The following PRKN variants were observed in gnomAD, a reference collection of about 807,000 sequenced individuals.
PRKN encodes the protein E3 ubiquitin-protein ligase parkin.
Under a neutral mutation model 59.5 loss-of-function variants are expected in PRKN, and 56 were observed. That is an observed-to-expected ratio of 0.94 (90% CI 0.76 to 1.18). PRKN has a LOEUF of 1.18. Among genes scored for constraint, PRKN ranks in the 50% most tolerant of loss-of-function variants. PRKN has a pLI of 0.00. For missense variants in PRKN, 657 were observed against 596.4 expected, an observed-to-expected ratio of 1.10 and a Z score of -1.06; for synonymous variants, 250 against 222.1, an observed-to-expected ratio of 1.13 and a Z score of -1.12.
chr6:162,449,833 TA>T (rs1244180580), intron 1 of PRKN, among the ~76,000 whole-genome samples: 3 of 152,106 alleles, frequency 2.0e-5, no homozygotes, highest in Non-Finnish European at 2.9e-5. Context: ...GGGACTTCAC[TA>T]AAGAAAGCAG....
chr6:162,459,776 C>T (rs1791069424), intron 1 of PRKN, among the ~76,000 whole-genome samples: 1 of 152,130 alleles, frequency 6.6e-6, no homozygotes, highest in Non-Finnish European at 1.5e-5. Context: ...TAAAAAGTAG[C>T]CGCATTTTCA....
At position 161,423,964 on chromosome 6, in the gene PRKN, T is replaced by A. The variant is rs1427793357; in HGVS notation, c.1084-37087A>T. ...AAAAGCACTGGCCAATGAAGGTCAATGTCAAAGCACAAGGCTGGTATTGAG... is the reference window on the plus strand; with the variant it reads ...AAAAGCACTGGCCAATGAAGGTCAAAGTCAAAGCACAAGGCTGGTATTGAG... On this transcript the variant is annotated intron_variant, in intron 9 of 11. Coordinates refer to ENST00000366898, the MANE Select transcript of PRKN (RefSeq NM_004562.3). This position sits in a 1 kb window ranked among gnomAD's most constrained non-coding sequence, Gnocchi z 5.9. Among the ~76,000 whole-genome samples the A allele has an allele frequency of 1.3e-5, 2 of 152,196 alleles. No homozygotes were observed. Among genetic ancestry groups the A allele is most frequent in the African/African-American group, 2.4e-5 (1 of 41,446 alleles).
chr6:162,338,105 G>C lies in PRKN; in HGVS notation c.172-75340C>G, dbSNP rs144476001. 4.7e-3 allele frequency among the ~76,000 whole-genome samples: 717 copies of C among 152,256 alleles called. 3 individuals carry two copies. The highest frequency in any genetic ancestry group is 0.016 in the African/African-American group (654 of 41,560). ...TCTGTACTAGGACAGTGGCCCGGGA[G>C]ACAGAAGGAGAAGAAGCATTTGCTC... On this transcript the variant is annotated intron_variant, in intron 2 of 11. Coordinates refer to ENST00000366898, the MANE Select transcript of PRKN (RefSeq NM_004562.3).
chr6:162,594,148 A>G (rs1033502258), intron 1 of PRKN, among the ~76,000 whole-genome samples: 4 of 151,554 alleles, frequency 2.6e-5, no homozygotes, highest in Non-Finnish European at 5.9e-5. Flanking sequence ...AGACTCTCTC[A>G]AAAACAAACA....
chr6:161,602,104 T>TTATCTATCGATC lies in PRKN; in HGVS notation c.872-32689_872-32688insGATCGATAGATA, dbSNP rs145471027. ...TTTATCTAAGTATATTTAGGGGAGA[T>TTATCTATCGATC]TATCTATCTATCTATCTATCTATCT... On this transcript the variant is annotated intron_variant, in intron 7 of 11. Transcript: ENST00000366898. Among the ~76,000 whole-genome samples, 653 of 150,536 alleles carry TTATCTATCGATC rather than the reference T, an allele frequency of 4.3e-3. 1 individual carries two copies. The highest frequency in any genetic ancestry group is 0.015 in the African/African-American group (620 of 40,738).
At chr6:162,571,575 T>A (rs187250921) in intron 1 of PRKN, among the ~76,000 whole-genome samples, 1 of 152,192 alleles carries the variant, frequency 6.6e-6, no homozygotes, top group Non-Finnish European at 1.5e-5. Flanking sequence ...AACTCTAGTA[T>A]GGAGGACTGG....
At chr6:161,885,186 A>G (rs1370035670) in intron 6 of PRKN, among the ~76,000 whole-genome samples, 1 of 151,882 alleles carries the variant, frequency 6.6e-6, no homozygotes, top group Non-Finnish European at 1.5e-5. Flanking sequence ...CCCCGGACCT[A>G]CTGAATCTGA....
At chr6:161,382,111 C>CAAAAAAAAAAAAAAAAAAAAAAACA (rs59174358) in intron 10 of PRKN, among the ~76,000 whole-genome samples, 1 of 46,280 alleles carries the variant, frequency 2.2e-5, no homozygotes, top group Non-Finnish European at 4.5e-5. Context: ...GACTCCATCT[C>CAAAAAAAAAAAAAAAAAAAAAAACA]AAAAAAAAAA....
intron 4 of PRKN, among the ~76,000 whole-genome samples, chr6:162,054,528 T>A (rs1369715048): frequency 6.6e-6 from 1 of 152,148 alleles, no homozygotes; most frequent in Non-Finnish European, 1.5e-5. Flanking sequence ...TGCTTCATAA[T>A]AATTATTACT....
chr6:161,586,529 A>G (rs1257252705), intron 7 of PRKN, among the ~76,000 whole-genome samples: 1 of 152,184 alleles, frequency 6.6e-6, no homozygotes, highest in Non-Finnish European at 1.5e-5. Context: ...TGTGAAACGA[A>G]TCAATCAATC....
chr6:162,014,206 G>C (rs779485753), intron 5 of PRKN, among the ~76,000 whole-genome samples: 5 of 152,132 alleles, frequency 3.3e-5, no homozygotes, highest in African/African-American at 1.2e-4. Context: ...GTGGGGCCTG[G>C]TTAAAAACCC....
At chr6:161,941,319 C>T (rs1314780569) in intron 6 of PRKN, among the ~76,000 whole-genome samples, 2 of 152,130 alleles carry the variant, frequency 1.3e-5, no homozygotes, top group African/African-American at 4.8e-5. Flanking sequence ...TGGATGTCTA[C>T]AGGAACACAC....
chr6:161,437,621 G>T (rs1469004122), intron 9 of PRKN, among the ~76,000 whole-genome samples: 1 of 152,126 alleles, frequency 6.6e-6, no homozygotes, highest in Non-Finnish European at 1.5e-5. Flanking sequence ...TTTTTACACA[G>T]GTATGGCCAA....
rs2115459508 is a variant in PRKN, at chr6:161,561,198, T to C, written c.933+8157A>G. On this transcript the variant is annotated intron_variant, in intron 8 of 11. Coordinates refer to ENST00000366898, the MANE Select transcript of PRKN (RefSeq NM_004562.3). The surrounding 1 kb of genome is among the most constrained non-coding windows in gnomAD (Gnocchi z 5.0). ...AGCATAGGAGATAGAAGTTTTCACA[T>C]AGCAAGGGTAAGAAATATTTTTATA... Among the ~76,000 whole-genome samples the C allele has an allele frequency of 6.6e-6, 1 of 152,326 alleles. No homozygotes were observed. The highest frequency in any genetic ancestry group is 2.1e-4 in the South Asian group (1 of 4,830).
chr6:161,542,799 C>T (rs1583209609), intron 9 of PRKN, among the ~76,000 whole-genome samples: 1 of 152,114 alleles, frequency 6.6e-6, no homozygotes, highest in Non-Finnish European at 1.5e-5. Context: ...AGTGAAGGCT[C>T]ATGAACCCAC....
intron 1 of PRKN, among the ~76,000 whole-genome samples, chr6:162,460,438 A>G (rs1380744810): frequency 1.3e-5 from 2 of 152,176 alleles, no homozygotes; most frequent in Admixed American, 1.3e-4. Flanking sequence ...ATCAAAATTG[A>G]CTGTGGTGAT....
At chr6:162,082,545 C>T (rs1779098515) in intron 4 of PRKN, among the ~76,000 whole-genome samples, 1 of 152,094 alleles carries the variant, frequency 6.6e-6, no homozygotes, top group Non-Finnish European at 1.5e-5. Context: ...TGGAGTAGCA[C>T]TTTTAATTTC....
chr6:162,364,342 T>G (rs970201210), intron 2 of PRKN, among the ~76,000 whole-genome samples: 2 of 152,196 alleles, frequency 1.3e-5, no homozygotes, highest in Non-Finnish European at 2.9e-5. Flanking sequence ...AATTTGAGCT[T>G]TTTTGAGTTG....
chr6:161,432,876 A>T (rs964147671), intron 9 of PRKN, among the ~76,000 whole-genome samples: 2 of 152,128 alleles, frequency 1.3e-5, no homozygotes, highest in African/African-American at 4.8e-5. Context: ...ACTCTTTCTG[A>T]ATGTATTAAA....
Sources: allele counts gnomAD v4.1 joint callset (sites outside exome capture counted in the v4.1 genomes callset), GRCh38; gene constraint gnomAD v4.1.1; non-coding constraint Gnocchi (gnomAD v3.1); transcripts MANE v1.5; gene names NCBI Gene and HGNC (gene_info 2026-07-23, HGNC 2026-07-21).